Variants in OR2L13 observed in about 807,000 individuals in gnomAD.
The protein encoded by OR2L13 is olfactory receptor 2L13.
Under a neutral mutation model 15.3 loss-of-function variants are expected in OR2L13, and 14 were observed. The observed-to-expected ratio is 0.91, with a 90% confidence interval of 0.60 to 1.43. The LOEUF (loss-of-function observed/expected upper bound fraction) is 1.43, where lower values mean the gene tolerates loss of function less well. OR2L13 is among the 40% of genes most tolerant of loss of function. The pLI is 0.00. For synonymous variants in OR2L13, 152 were observed against 142.9 expected, an observed-to-expected ratio of 1.06 and a Z score of -0.45; for missense variants, 367 against 387.9, an observed-to-expected ratio of 0.95 and a Z score of 0.45.
At chr1:248,021,923 T>A in the OR2L13 span, 1 of 1,580,870 alleles carries the variant, frequency 6.3e-7, no homozygotes, top group Non-Finnish European at 8.7e-7. Flanking sequence ...GTGTCTCCCT[T>A]CAGGAAGGAT....
At chr1:248,049,949 G>A in the OR2L13 span, among the ~76,000 whole-genome samples, 2 of 152,136 alleles carry the variant, frequency 1.3e-5, no homozygotes, top group Admixed American at 1.3e-4. Flanking sequence ...TGTGGATCTA[G>A]AGGAGTTTAC....
chr1:247,975,210 C>A, the OR2L13 span: 3 of 397,508 alleles, frequency 7.5e-6, no homozygotes, highest in South Asian at 4.2e-5. Flanking sequence ...CACTTGTGCT[C>A]ACATTTCATA....
the OR2L13 span, among the ~76,000 whole-genome samples, chr1:248,017,438 G>A: frequency 4.3e-4 from 66 of 152,286 alleles, no homozygotes; most frequent in African/African-American, 1.5e-3. Flanking sequence ...TGGTGTTCAA[G>A]AGATATCGTA....
chr1:247,993,100 C>G, the OR2L13 span, among the ~76,000 whole-genome samples: 1 of 151,972 alleles, frequency 6.6e-6, no homozygotes, highest in Non-Finnish European at 1.5e-5. Context: ...CATTGTGGCT[C>G]TGATTTGCAT....
the OR2L13 span, among the ~76,000 whole-genome samples, chr1:247,960,289 G>A: frequency 6.6e-6 from 1 of 152,196 alleles, no homozygotes; most frequent in Non-Finnish European, 1.5e-5. Context: ...CCGCCTGATC[G>A]TTCCTCTGGA....
chr1:248,068,156 C>T, the OR2L13 span, among the ~76,000 whole-genome samples: 2 of 152,178 alleles, frequency 1.3e-5, no homozygotes, highest in East Asian at 3.9e-4. Flanking sequence ...GTTCTCCCAG[C>T]ACGCAGCTGG....
At chr1:248,038,080 C>T in the OR2L13 span, 3 of 483,924 alleles carry the variant, frequency 6.2e-6, no homozygotes, top group South Asian at 3.9e-5. Context: ...TCTTCCTTGC[C>T]TAATTTATAA....
the OR2L13 span, among the ~76,000 whole-genome samples, chr1:247,961,903 T>C: frequency 1.3e-5 from 2 of 152,220 alleles, no homozygotes; most frequent in Admixed American, 1.3e-4. Context: ...AGCCACCCGA[T>C]TTTTAACTTT....
At chr1:248,070,480 G>A in the OR2L13 span, among the ~76,000 whole-genome samples, 1 of 152,146 alleles carries the variant, frequency 6.6e-6, no homozygotes, top group Non-Finnish European at 1.5e-5. Flanking sequence ...AAAGCAGTAT[G>A]TAGAGGGAAA....
At chr1:248,023,633 A>G in the OR2L13 span, 3 of 152,206 alleles carry the variant, frequency 2.0e-5, no homozygotes, top group Non-Finnish European at 2.9e-5. Flanking sequence ...GCAAGTCTAT[A>G]CATCTTGGAT....
At chr1:248,064,112 G>C in the OR2L13 span, among the ~76,000 whole-genome samples, 866 of 152,316 alleles carry the variant, frequency 5.7e-3, 10 homozygotes, top group African/African-American at 0.019. Context: ...GTCTAGGATA[G>C]TGGTGGGATT....
the OR2L13 span, chr1:248,060,888 C>T: frequency 1.2e-6 from 2 of 1,613,906 alleles, no homozygotes; most frequent in Admixed American, 1.7e-5. Context: ...CCCTCATTGA[C>T]CTAAATTACA....
At chr1:248,040,623 A>G in the OR2L13 span, 1 of 152,184 alleles carries the variant, frequency 6.6e-6, no homozygotes, top group Admixed American at 6.5e-5. Context: ...GATTTTCTCA[A>G]TAAGATATTC....
the OR2L13 span, chr1:247,996,904 A>G: frequency 6.6e-6 from 1 of 152,216 alleles, no homozygotes; most frequent in Non-Finnish European, 1.5e-5. Flanking sequence ...ACATCTGTAC[A>G]TTCTGACTTT....
At chr1:247,948,147 A>G in the OR2L13 span, among the ~76,000 whole-genome samples, 1 of 152,136 alleles carries the variant, frequency 6.6e-6, no homozygotes, top group African/African-American at 2.4e-5. Context: ...CAGAAGTTCA[A>G]GGCTGCAGTG....
At chr1:248,055,123 AATTTG>A in the OR2L13 span, among the ~76,000 whole-genome samples, 1 of 152,040 alleles carries the variant, frequency 6.6e-6, no homozygotes, top group Non-Finnish European at 1.5e-5. Context: ...TTAAATACCT[AATTTG>A]TTGAGAGTTT....
chr1:248,039,125 C>T, the OR2L13 span: 4 of 1,614,084 alleles, frequency 2.5e-6, no homozygotes, highest in African/African-American at 2.7e-5. Flanking sequence ...TGCTCAACCC[C>T]ATCATCTACA....
chr1:248,078,566 A>G, the OR2L13 span, among the ~76,000 whole-genome samples: 1 of 152,106 alleles, frequency 6.6e-6, no homozygotes, highest in African/African-American at 2.4e-5. Flanking sequence ...TATATTTATT[A>G]TACCACACCA....
the OR2L13 span, among the ~76,000 whole-genome samples, chr1:248,076,194 C>T: frequency 6.6e-6 from 1 of 152,086 alleles, no homozygotes; most frequent in Admixed American, 6.5e-5. Context: ...CTATTCTGTT[C>T]CATTGGTCTA....
Sources: gnomAD v4.1 joint callset for allele counts (sites outside exome capture counted in the v4.1 genomes callset) on GRCh38, gnomAD v4.1.1 for gene constraint, MANE v1.5 for transcripts, NCBI Gene and HGNC (gene_info 2026-07-23, HGNC 2026-07-21) for gene names.